Variants in DAPK1 observed in about 807,000 individuals in gnomAD.
The protein encoded by DAPK1 is death-associated protein kinase 1.
DAPK1 carries 56 observed loss-of-function variants against 144.9 expected under a neutral mutation model. The ratio of observed to expected loss-of-function variants is 0.39; its 90% CI spans 0.31 to 0.48. The LOEUF (loss-of-function observed/expected upper bound fraction) is 0.48, where lower values mean the gene tolerates loss of function less well. Ranked by LOEUF, DAPK1 falls within the 20% of genes least tolerant of loss-of-function variation. The pLI, the probability that DAPK1 is intolerant of heterozygous loss-of-function variation, is 0.95. For missense variants in DAPK1, 1,454 were observed against 1,875.4 expected, an observed-to-expected ratio of 0.78 and a Z score of 4.15; for synonymous variants, 690 against 749.0, an observed-to-expected ratio of 0.92 and a Z score of 1.29.
intron 3 of DAPK1, among the ~76,000 whole-genome samples, chr9:87,614,827 C>G (rs555066753): frequency 1.3e-5 from 2 of 152,188 alleles, no homozygotes; most frequent in African/African-American, 4.8e-5. Context: ...CCTTCCAGGC[C>G]CTGGGACTGC....
chr9:87,701,963 T>C (rs878865424), intron 24 of DAPK1: 2 of 447,900 alleles, frequency 4.5e-6, no homozygotes, highest in Non-Finnish European at 4.7e-6. Flanking sequence ...ATCTGGGAAC[T>C]AACAGTGGTC....
intron 3 of DAPK1, among the ~76,000 whole-genome samples, chr9:87,625,769 C>T (rs755910289): frequency 1.8e-4 from 28 of 152,230 alleles, no homozygotes; most frequent in Admixed American, 5.2e-4. Context: ...ATCCTGATTT[C>T]TGCAGAAAGA....
chr9:87,634,144 T>C (rs1829804588), intron 3 of DAPK1, among the ~76,000 whole-genome samples: 2 of 152,256 alleles, frequency 1.3e-5, no homozygotes, highest in African/African-American at 4.8e-5. Context: ...ATCATGTACA[T>C]GTCATCTGTG....
chr9:87,627,848 A>G (rs79527005), intron 3 of DAPK1, among the ~76,000 whole-genome samples: 140 of 152,310 alleles, frequency 9.2e-4, no homozygotes, highest in Non-Finnish European at 1.7e-3. Context: ...AGTTCAGGCC[A>G]AGGATTGCTG....
chr9:87,557,182 T>C (rs1222687686), intron 2 of DAPK1, among the ~76,000 whole-genome samples: 1 of 152,120 alleles, frequency 6.6e-6, no homozygotes, highest in Admixed American at 6.5e-5. Context: ...ACCTCTGGGC[T>C]CAGAACCTTT....
At chr9:87,588,727 C>A (rs1828022683) in intron 2 of DAPK1, among the ~76,000 whole-genome samples, 1 of 152,154 alleles carries the variant, frequency 6.6e-6, no homozygotes, top group Admixed American at 6.5e-5. Flanking sequence ...AAGTTTCAGT[C>A]TGGAAACATC....
intron 19 of DAPK1, among the ~76,000 whole-genome samples, chr9:87,670,415 A>G (rs1831214528): frequency 1.3e-5 from 2 of 152,152 alleles, no homozygotes; most frequent in African/African-American, 2.4e-5. Context: ...AAAGAGCACA[A>G]TTTCTTTTTC....
At chr9:87,541,654 C>T (rs1021021809) in intron 2 of DAPK1, among the ~76,000 whole-genome samples, 1 of 151,902 alleles carries the variant, frequency 6.6e-6, no homozygotes, top group African/African-American at 2.4e-5. Context: ...ACACTCTAGT[C>T]AACCAATGGA....
intron 2 of DAPK1, among the ~76,000 whole-genome samples, chr9:87,573,473 G>T (rs891393240): frequency 6.6e-6 from 1 of 152,244 alleles, no homozygotes; most frequent in Non-Finnish European, 1.5e-5. Flanking sequence ...AGAAGGAGCA[G>T]AGAGGGAGGG....
Position 87,498,023 on chromosome 9 carries a change from C to T in DAPK1, c.-193C>T. 2.5e-6 allele frequency: 1 copy of T among 397,806 alleles called. No homozygotes were observed. Among genetic ancestry groups the T allele is most frequent in the Non-Finnish European group, 4.4e-6 (1 of 225,668 alleles). 24.6% of individuals were successfully genotyped at this position (397,806 alleles called of 1,614,324 possible). On this transcript the variant is annotated 5_prime_UTR_variant, in exon 1 of 26. Transcript: ENST00000408954. ...CACTCCCTAGCTGTGTTCCCGCCGC[C>T]GCCCCGGCTAGTCTCCGGCGCTGGC...
intron 2 of DAPK1, among the ~76,000 whole-genome samples, chr9:87,557,747 C>T (rs1826770686): frequency 6.6e-6 from 1 of 152,172 alleles, no homozygotes; most frequent in African/African-American, 2.4e-5. Context: ...TCGAGAACAG[C>T]CTGGCCAACA....
rs767728346 is a variant in DAPK1 at position 87,499,076 on chromosome 9, T to TC, written c.-1dup. The stretch of plus-strand genomic sequence containing the variant: ...GGCTTTGGTGAGGCGTGACAGTTTA[T>TC]CATGACCGTGTTCAGGCAGGAAAAC... On this transcript the variant is annotated 5_prime_UTR_variant, in exon 2 of 26. Coordinates refer to ENST00000408954, the MANE Select transcript of DAPK1 (RefSeq NM_004938.4). 6.2e-7 allele frequency: 1 copy of TC among 1,613,928 alleles called. No individual in the cohort carries two copies.
intron 19 of DAPK1, among the ~76,000 whole-genome samples, chr9:87,670,857 C>T (rs932681702): frequency 2.0e-5 from 3 of 152,150 alleles, no homozygotes; most frequent in Non-Finnish European, 4.4e-5. Context: ...TCAGGTCACT[C>T]GGGAAACCCA....
intron 2 of DAPK1, among the ~76,000 whole-genome samples, chr9:87,558,753 A>G (rs1187116857): frequency 1.3e-5 from 2 of 152,168 alleles, no homozygotes; most frequent in African/African-American, 4.8e-5. Context: ...CTATAGCCAC[A>G]TGGGGGCTCA....
chr9:87,593,073 G>A (rs976016695), intron 2 of DAPK1, among the ~76,000 whole-genome samples: 1 of 152,184 alleles, frequency 6.6e-6, no homozygotes. Flanking sequence ...TGAGACCTGG[G>A]CCTGTGACTC....
chr9:87,698,568 T>A, intron 22 of DAPK1, 88 bp from the exon 23 acceptor site: 1 of 782,856 alleles, frequency 1.3e-6, no homozygotes. Flanking sequence ...GGCCTGGGCA[T>A]GAGGCCAACA....
intron 3 of DAPK1, among the ~76,000 whole-genome samples, chr9:87,623,455 T>A (rs756417043): frequency 7.9e-5 from 12 of 152,312 alleles, no homozygotes; most frequent in African/African-American, 1.7e-4. Flanking sequence ...CTTGGCACAG[T>A]TGGCAGAGCT....
At chr9:87,503,683 G>A (rs896297734) in intron 2 of DAPK1, among the ~76,000 whole-genome samples, 2 of 152,148 alleles carry the variant, frequency 1.3e-5, no homozygotes, top group African/African-American at 4.8e-5. Context: ...GTATGTATTA[G>A]GGCCTCAACA....
At position 87,695,591 on chromosome 9, in the gene DAPK1, C is replaced by G. The variant is rs574557385; in HGVS notation, c.2414-1416C>G. On this transcript the variant is annotated intron_variant, in intron 21 of 25. Coordinates refer to ENST00000408954, the MANE Select transcript of DAPK1 (RefSeq NM_004938.4). ...GAAAGCAATTGCCCCCACATACAAC[C>G]TTTGACCCCTGCTTGACACTTTCCT... 1.7e-4 allele frequency among the ~76,000 whole-genome samples: 26 copies of G among 152,286 alleles called. 1 individual carries two copies. The South Asian group carries it at 5.2e-3, about 30-fold the overall frequency.
Sources: allele counts gnomAD v4.1 joint callset (sites outside exome capture counted in the v4.1 genomes callset), GRCh38; gene constraint gnomAD v4.1.1; transcripts MANE v1.5; gene names NCBI Gene and HGNC (gene_info 2026-07-23, HGNC 2026-07-21).